NPAS3: variants seen among roughly 807,000 people sequenced by gnomAD.
The protein encoded by NPAS3 is neuronal PAS domain-containing protein 3.
In NPAS3, 14 loss-of-function variants were observed where a neutral mutation model predicts 73.1. That is an observed-to-expected ratio of 0.19 (90% CI 0.13 to 0.30). The LOEUF is 0.30. Among genes scored for constraint, NPAS3 ranks in the 10% least tolerant of loss-of-function variants. The probability of loss-of-function intolerance (pLI) is 1.00; values close to 1 mark genes in which losing one functional copy is unlikely to be tolerated. For synonymous variants in NPAS3, 620 were observed against 541.5 expected (o/e 1.14, Z -2.01); for missense variants, 1,096 against 1,250.0 (o/e 0.88, Z 1.86).
intron 3 of NPAS3, among the ~76,000 whole-genome samples, chr14:33,288,853 T>G (rs1054837862): frequency 2.0e-5 from 3 of 152,136 alleles, no homozygotes; most frequent in African/African-American, 7.2e-5. Flanking sequence ...TTGTACACAT[T>G]TAAAATTATT....
At chr14:33,375,338 A>C (rs1463952600) in intron 4 of NPAS3, among the ~76,000 whole-genome samples, 1 of 152,210 alleles carries the variant, frequency 6.6e-6, no homozygotes, top group Non-Finnish European at 1.5e-5. Flanking sequence ...TTCATTACAA[A>C]CTGGAGTGCT....
chr14:33,086,507 T>C (rs1205256571), intron 2 of NPAS3, among the ~76,000 whole-genome samples: 1 of 152,134 alleles, frequency 6.6e-6, no homozygotes, highest in Non-Finnish European at 1.5e-5. Flanking sequence ...GAGTTATAAT[T>C]TCAGTTGTAC....
chr14:33,544,745 C>A (rs1325616172), intron 4 of NPAS3, among the ~76,000 whole-genome samples: 1 of 113,868 alleles, frequency 8.8e-6, no homozygotes. Flanking sequence ...GCAGCCCGGG[C>A]CCACTAAGAC....
chr14:33,104,451 A>G (rs191669035), intron 2 of NPAS3, among the ~76,000 whole-genome samples: 1 of 152,328 alleles, frequency 6.6e-6, no homozygotes, highest in Admixed American at 6.5e-5. Context: ...GAAATTTTAT[A>G]TATAGTGAAC....
At chr14:33,009,265 G>C (rs771635786) in intron 1 of NPAS3, among the ~76,000 whole-genome samples, 6 of 152,110 alleles carry the variant, frequency 3.9e-5, no homozygotes, top group Non-Finnish European at 7.4e-5. Flanking sequence ...AAAACCAAAA[G>C]ACATCATAGT....
chr14:33,330,909 G>T (rs999555173), intron 3 of NPAS3, among the ~76,000 whole-genome samples: 10 of 152,176 alleles, frequency 6.6e-5, no homozygotes, highest in East Asian at 1.9e-4. Context: ...ATAATTATTT[G>T]CTGGTGTGAA....
intron 5 of NPAS3, among the ~76,000 whole-genome samples, chr14:33,572,778 A>T (rs1007134620): frequency 6.6e-6 from 1 of 152,162 alleles, no homozygotes; most frequent in Non-Finnish European, 1.5e-5. Flanking sequence ...TAATCCCTGC[A>T]CTTTGGGAGG....
chr14:33,032,634 C>T (rs548864282), intron 1 of NPAS3, among the ~76,000 whole-genome samples: 3 of 152,256 alleles, frequency 2.0e-5, no homozygotes, highest in Non-Finnish European at 2.9e-5. Flanking sequence ...TCTATGGATG[C>T]GCTAATCCTT....
At chr14:33,626,620 T>C (rs1419687357) in intron 5 of NPAS3, among the ~76,000 whole-genome samples, 1 of 152,134 alleles carries the variant, frequency 6.6e-6, no homozygotes, top group African/African-American at 2.4e-5. Context: ...AAACTAACGA[T>C]GCTACTCACT....
At chr14:33,346,936 A>G (rs2044766176) in intron 3 of NPAS3, among the ~76,000 whole-genome samples, 1 of 152,156 alleles carries the variant, frequency 6.6e-6, no homozygotes, top group Non-Finnish European at 1.5e-5. Context: ...ACACCTGCCA[A>G]TATGTTTCCT....
At chr14:33,564,316 T>C (rs990422770) in intron 5 of NPAS3, among the ~76,000 whole-genome samples, 1 of 152,190 alleles carries the variant, frequency 6.6e-6, no homozygotes, top group African/African-American at 2.4e-5. Context: ...GCAAAGTTTT[T>C]CTGGGACTGA....
chr14:33,047,572 G>A (rs972396567), intron 1 of NPAS3, among the ~76,000 whole-genome samples: 1 of 152,188 alleles, frequency 6.6e-6, no homozygotes, highest in South Asian at 2.1e-4. Flanking sequence ...TGGTAGATAG[G>A]AACCTAAGTC....
At chr14:33,069,208 A>G (rs1651950174) in intron 2 of NPAS3, among the ~76,000 whole-genome samples, 1 of 152,212 alleles carries the variant, frequency 6.6e-6, no homozygotes, top group Non-Finnish European at 1.5e-5. Context: ...ATACTAATGT[A>G]TCATTGACTT....
intron 4 of NPAS3, among the ~76,000 whole-genome samples, chr14:33,404,684 T>C (rs780734962): frequency 5.9e-5 from 9 of 152,072 alleles, no homozygotes; most frequent in Non-Finnish European, 1.2e-4. Context: ...AGAGGCCACC[T>C]AGCTTAGATA....
intron 4 of NPAS3, among the ~76,000 whole-genome samples, chr14:33,392,802 C>T (rs1366206572): frequency 1.3e-5 from 2 of 152,104 alleles, no homozygotes; most frequent in East Asian, 1.9e-4. Flanking sequence ...CAGTATTTTT[C>T]CTTCCTGTCC....
chr14:32,992,070 G>A (rs2038357345), intron 1 of NPAS3, among the ~76,000 whole-genome samples: 1 of 152,184 alleles, frequency 6.6e-6, no homozygotes, highest in Non-Finnish European at 1.5e-5. Context: ...AGTGAGCCTG[G>A]AGTCAGAATG....
At position 33,149,344 on chromosome 14, in the gene NPAS3, T is replaced by A. The variant is rs554641929; in HGVS notation, c.141-65838T>A. Among the ~76,000 whole-genome samples, 13 of 152,358 alleles carry A rather than the reference T, an allele frequency of 8.5e-5. No homozygotes were observed. The East Asian group carries it at 2.3e-3, about 27-fold the overall frequency. On this transcript the variant is annotated intron_variant, in intron 2 of 11. Transcript: ENST00000356141. ...GATTTATAAATGCTTTTAAAATTTC[T>A]TGTTCAAATAAGTTTTTCTTCAATA...
At chr14:33,786,447 AC>A in intron 9 of NPAS3, among the ~76,000 whole-genome samples, 1 of 152,310 alleles carries the variant, frequency 6.6e-6, no homozygotes, top group East Asian at 1.9e-4. Context: ...CACAGGGTCC[AC>A]CAGAGACAAA....
chr14:33,765,391 G>A (rs901378384), intron 7 of NPAS3, among the ~76,000 whole-genome samples: 14 of 151,996 alleles, frequency 9.2e-5, no homozygotes, highest in African/African-American at 3.1e-4. Flanking sequence ...CAGAATCCCC[G>A]GAATTAATCA....
Sources: allele counts gnomAD v4.1 joint callset (sites outside exome capture counted in the v4.1 genomes callset), GRCh38; gene constraint gnomAD v4.1.1; transcripts MANE v1.5; gene names NCBI Gene and HGNC (gene_info 2026-07-23, HGNC 2026-07-21).